The following DCLK2 variants were observed in gnomAD, a reference collection of about 807,000 sequenced individuals.
DCLK2 encodes the protein doublecortin like kinase 2, also known as serine/threonine-protein kinase DCLK2.
A neutral mutation model predicts 78.4 loss-of-function variants in DCLK2; 31 were observed. The ratio of observed to expected loss-of-function variants is 0.40; its 90% CI spans 0.30 to 0.53. The LOEUF (loss-of-function observed/expected upper bound fraction) is 0.53, where lower values mean the gene tolerates loss of function less well. DCLK2 is among the 20% of genes least tolerant of loss of function. DCLK2 has a pLI of 0.61. For synonymous variants in DCLK2, 407 were observed against 374.9 expected, an observed-to-expected ratio of 1.09 and a Z score of -0.99; for missense variants, 872 against 973.7, an observed-to-expected ratio of 0.90 and a Z score of 1.39.
At chr4:150,105,364 C>A (rs866084496) in intron 2 of DCLK2, among the ~76,000 whole-genome samples, 1 of 151,150 alleles carries the variant, frequency 6.6e-6, no homozygotes, top group Non-Finnish European at 1.5e-5. Context: ...AAAGTCTAAA[C>A]AATTTGAAAA....
At chr4:150,160,019 T>TTG (rs1553962433) in intron 2 of DCLK2, among the ~76,000 whole-genome samples, 50 of 151,850 alleles carry the variant, frequency 3.3e-4, no homozygotes, top group African/African-American at 1.1e-3. Flanking sequence ...TTTATTATTT[T>TTG]TGTGTGTGTG....
At chr4:150,240,769 G>GAAAAAAAAAAAAAAAAAAAAAAAA (rs34362156) in intron 12 of DCLK2, among the ~76,000 whole-genome samples, 1 of 136,872 alleles carries the variant, frequency 7.3e-6, no homozygotes, top group Admixed American at 7.3e-5. Context: ...AAAAGAAAAA[G>GAAAAAAAAAAAAAAAAAAAAAAAA]AAAAAAAAAA....
chr4:150,189,517 C>T (rs902255004), intron 2 of DCLK2, among the ~76,000 whole-genome samples: 93 of 152,234 alleles, frequency 6.1e-4, no homozygotes, highest in African/African-American at 2.2e-3. Flanking sequence ...TTACCTGTGT[C>T]TGGGCAAGTT....
chr4:150,091,568 C>T (rs1038040506), intron 1 of DCLK2, among the ~76,000 whole-genome samples: 1 of 152,124 alleles, frequency 6.6e-6, no homozygotes, highest in Non-Finnish European at 1.5e-5. Flanking sequence ...AAATTTTATA[C>T]AACTCAATAT....
chr4:150,079,550 G>A (rs1411478009), intron 1 of DCLK2, 102 bp downstream of exon 1: 17 of 1,201,574 alleles, frequency 1.4e-5, no homozygotes, highest in Non-Finnish European at 1.8e-5. Flanking sequence ...TTTCCAAGCC[G>A]CACGGGAATT....
At chr4:150,248,793 C>T (rs939843330) in intron 14 of DCLK2, among the ~76,000 whole-genome samples, 1 of 152,056 alleles carries the variant, frequency 6.6e-6, no homozygotes, top group Non-Finnish European at 1.5e-5. Context: ...CTCAGGAGAC[C>T]TCTTGCTGTT....
intron 2 of DCLK2, among the ~76,000 whole-genome samples, chr4:150,122,690 C>T (rs563832737): frequency 2.6e-5 from 4 of 152,252 alleles, no homozygotes; most frequent in East Asian, 3.9e-4. Flanking sequence ...CACCATAGCA[C>T]GTGTATACCT....
chr4:150,191,559 G>C (rs1043833409), intron 2 of DCLK2, among the ~76,000 whole-genome samples: 1 of 152,132 alleles, frequency 6.6e-6, no homozygotes, highest in African/African-American at 2.4e-5. Flanking sequence ...ATGAGTGAAG[G>C]GGTGTGTGCT....
chr4:150,111,409 A>C (rs1468274316), intron 2 of DCLK2, among the ~76,000 whole-genome samples: 1 of 151,938 alleles, frequency 6.6e-6, no homozygotes, highest in Non-Finnish European at 1.5e-5. Context: ...GTTTGCAAAT[A>C]TTTTCTCCTG....
At chr4:150,229,253 G>A (rs1022039412) in intron 8 of DCLK2, among the ~76,000 whole-genome samples, 1 of 152,142 alleles carries the variant, frequency 6.6e-6, no homozygotes, top group African/African-American at 2.4e-5. Flanking sequence ...GCTTGAGCCT[G>A]GGAGGTTGAG....
At chr4:150,226,416 A>C (rs1741613977) in intron 8 of DCLK2, among the ~76,000 whole-genome samples, 2 of 152,052 alleles carry the variant, frequency 1.3e-5, no homozygotes, top group South Asian at 4.1e-4. Context: ...TTCTCCATAC[A>C]TGTAAGGGTT....
intron 7 of DCLK2, among the ~76,000 whole-genome samples, chr4:150,223,995 T>C (rs1741403064): frequency 1.3e-5 from 2 of 152,114 alleles, no homozygotes. Flanking sequence ...TTTGGTTTTT[T>C]AAAACTTTAT....
chr4:150,108,910 A>G (rs1731459440), intron 2 of DCLK2, among the ~76,000 whole-genome samples: 1 of 152,196 alleles, frequency 6.6e-6, no homozygotes, highest in Non-Finnish European at 1.5e-5. Context: ...GGGGTAAAAC[A>G]CTTCCAGACT....
intron 3 of DCLK2, among the ~76,000 whole-genome samples, chr4:150,197,744 A>G (rs906747481): frequency 1.3e-5 from 2 of 151,770 alleles, no homozygotes; most frequent in African/African-American, 2.4e-5. Flanking sequence ...CAGTGAGCCC[A>G]GATCGCGCCA....
At chr4:150,169,656 CAAA>C (rs60421412) in intron 2 of DCLK2, among the ~76,000 whole-genome samples, 3 of 98,090 alleles carry the variant, frequency 3.1e-5, no homozygotes, top group Non-Finnish European at 4.3e-5. Context: ...AACTCCGTCT[CAAA>C]AAAAAAAAAA....
chr4:150,190,406 G>A (rs1738367379), intron 2 of DCLK2, among the ~76,000 whole-genome samples: 1 of 152,100 alleles, frequency 6.6e-6, no homozygotes, highest in African/African-American at 2.4e-5. Context: ...TAACCCAGAT[G>A]TCCTAAACTG....
At position 150,226,766 on chromosome 4, in the gene DCLK2, A is replaced by G. The variant is rs545181515; in HGVS notation, c.1299+2208A>G. Among the ~76,000 whole-genome samples, 3 of 152,302 alleles carry G rather than the reference A, an allele frequency of 2.0e-5. No individual in the cohort carries two copies. In the South Asian group the frequency reaches 6.2e-4, roughly 32 times the overall value. On this transcript the variant is annotated intron_variant, in intron 8 of 15. Coordinates refer to ENST00000296550, the MANE Select transcript of DCLK2 (RefSeq NM_001040260.4). The stretch of plus-strand genomic sequence containing the variant: ...CTTTTACATTTTGCTTATCTAAACA[A>G]CTATTTCCACATTAAGACTATACAA...
At position 150,256,268 on chromosome 4, in the gene DCLK2, G is replaced by C. The variant is rs758636776; in HGVS notation, c.*21G>C. ...ACTGAGCCTCCTGCAGACGGGCGAA[G>C]CCGCCTGCTGCAGCCCAGGAAGCCA... On this transcript the variant is annotated 3_prime_UTR_variant, in exon 16 of 16. Transcript: ENST00000296550. 3.2e-4 allele frequency: 471 copies of C among 1,475,022 alleles called. 1 individual carries two copies. The highest frequency in any genetic ancestry group is 4.0e-4 in the Non-Finnish European group (446 of 1,115,624). 91.4% of individuals were successfully genotyped at this position (1,475,022 alleles called of 1,614,324 possible).
intron 2 of DCLK2, among the ~76,000 whole-genome samples, chr4:150,143,050 CTA>C (rs1461161405): frequency 1.2e-4 from 18 of 152,102 alleles, no homozygotes; most frequent in African/African-American, 4.3e-4. Flanking sequence ...TTTTATCTTT[CTA>C]TGTTAGCTCA....
Sources: gnomAD v4.1 joint callset for allele counts (sites outside exome capture counted in the v4.1 genomes callset) on GRCh38, gnomAD v4.1.1 for gene constraint, MANE v1.5 for transcripts, NCBI Gene and HGNC (gene_info 2026-07-23, HGNC 2026-07-21) for gene names.